FAR2: variants seen among roughly 807,000 people sequenced by gnomAD.
FAR2 encodes fatty acyl-CoA reductase 2.
In FAR2, 19 loss-of-function variants were observed where a neutral mutation model predicts 56.0. The observed-to-expected ratio is 0.34, with a 90% CI of 0.24 to 0.50. The LOEUF (loss-of-function observed/expected upper bound fraction) is 0.50, where lower values mean the gene tolerates loss of function less well. Ranked by LOEUF, FAR2 falls within the 20% of genes least tolerant of loss-of-function variation. The pLI is 0.98. For missense variants in FAR2, 508 were observed against 642.2 expected, an observed-to-expected ratio of 0.79 and a Z score of 2.26; for synonymous variants, 219 against 218.8, an observed-to-expected ratio of 1.00 and a Z score of -0.01.
chr12:29,317,641 T>TA (rs1288984347), intron 9 of FAR2: 3 of 152,636 alleles, frequency 2.0e-5, no homozygotes, highest in Admixed American at 6.5e-5. Flanking sequence ...ATTGAGACTC[T>TA]GTCACTAGGG....
rs554978581 is a variant in FAR2, at chr12:29,280,590, C to G, written c.189+9952C>G. On this transcript the variant is annotated intron_variant, in intron 2 of 11. Coordinates refer to ENST00000536681, the MANE Select transcript of FAR2 (RefSeq NM_001271783.2). ...GTGGGTGCTGAAGGAGATAAACCCC[C>G]CAAATCAGTAGCTTAATACAAATGA... 2.0e-5 allele frequency: 3 copies of G among 152,272 alleles called. No homozygotes were observed. The East Asian group carries it at 5.8e-4, about 29-fold the overall frequency. The allele number at this position is 152,272 out of a possible 1,614,324, so 9.4% of individuals were successfully genotyped here.
chr12:29,227,496 T>C (rs899462219), intron 1 of FAR2, among the ~76,000 whole-genome samples: 2 of 152,094 alleles, frequency 1.3e-5, no homozygotes, highest in African/African-American at 2.4e-5. Context: ...GAGGAAGAAG[T>C]AGGTCCTTTT....
chr12:29,229,256 T>C (rs73077598), intron 1 of FAR2, among the ~76,000 whole-genome samples: 11 of 152,154 alleles, frequency 7.2e-5, no homozygotes, highest in Non-Finnish European at 1.2e-4. Flanking sequence ...TCTTAATAGA[T>C]CCTTACGAAA....
intron 1 of FAR2, among the ~76,000 whole-genome samples, chr12:29,260,095 A>G (rs992104524): frequency 1.3e-4 from 20 of 152,200 alleles, no homozygotes; most frequent in African/African-American, 4.3e-4. Context: ...TAATTATTTT[A>G]TTGAGTTATA....
intron 1 of FAR2, among the ~76,000 whole-genome samples, chr12:29,255,871 T>C (rs1050368126): frequency 6.6e-6 from 1 of 152,154 alleles, no homozygotes; most frequent in African/African-American, 2.4e-5. Context: ...ATTTTTATTT[T>C]ATTTATTTCT....
chr12:29,282,919 T>C (rs1420451958), intron 2 of FAR2, among the ~76,000 whole-genome samples: 1 of 152,130 alleles, frequency 6.6e-6, no homozygotes, highest in Admixed American at 6.5e-5. Context: ...TTCTTAAGTA[T>C]TTTCAGAGCA....
intron 8 of FAR2, 48 bp from the exon 9 acceptor site, chr12:29,316,793 C>G: frequency 1.3e-6 from 2 of 1,584,160 alleles, no homozygotes; most frequent in Non-Finnish European, 1.7e-6. Context: ...CTATGATGGA[C>G]TTATATTCTC....
At chr12:29,308,676 A>G (rs1049570952) in intron 5 of FAR2, among the ~76,000 whole-genome samples, 12 of 72,490 alleles carry the variant, frequency 1.7e-4, no homozygotes, top group Non-Finnish European at 2.5e-4. Flanking sequence ...GTCAATATAC[A>G]CACAGACACA....
intron 3 of FAR2, among the ~76,000 whole-genome samples, chr12:29,294,818 G>T (rs1469341243): frequency 6.6e-6 from 1 of 151,770 alleles, no homozygotes. Context: ...AGAAAGAGGA[G>T]TACGGGCCAA....
chr12:29,163,818 G>C (rs1255847035), intron 1 of FAR2, among the ~76,000 whole-genome samples: 2 of 152,214 alleles, frequency 1.3e-5, no homozygotes, highest in South Asian at 2.1e-4. Flanking sequence ...GTGTGGTAGA[G>C]AGGCAGATAT....
chr12:29,224,368 G>T (rs1284737154), intron 1 of FAR2, among the ~76,000 whole-genome samples: 3 of 152,328 alleles, frequency 2.0e-5, no homozygotes, highest in East Asian at 3.9e-4. Context: ...CATATTTATA[G>T]TCTAAGGCTT....
intron 4 of FAR2, among the ~76,000 whole-genome samples, chr12:29,298,845 C>A (rs146790130): frequency 3.7e-4 from 57 of 152,258 alleles, no homozygotes; most frequent in Non-Finnish European, 6.0e-4. Context: ...ACTTTCTCCA[C>A]TGCTGATCTC....
intron 1 of FAR2, chr12:29,223,973 T>G (rs1235475195): frequency 6.6e-6 from 1 of 152,174 alleles, no homozygotes; most frequent in Non-Finnish European, 1.5e-5. Flanking sequence ...GAATGAATCT[T>G]AGGGTGAGAG....
At chr12:29,207,965 G>A (rs1947495810) in intron 1 of FAR2, among the ~76,000 whole-genome samples, 1 of 152,210 alleles carries the variant, frequency 6.6e-6, no homozygotes, top group Non-Finnish European at 1.5e-5. Context: ...ATTTTGGGAG[G>A]CCAGGACAGG....
chr12:29,277,560 T>C (rs1948721177), intron 2 of FAR2: 1 of 152,184 alleles, frequency 6.6e-6, no homozygotes, highest in Non-Finnish European at 1.5e-5. Context: ...AACACATGTA[T>C]ATTTAAGTAT....
chr12:29,244,273 A>G (rs1238658127), intron 1 of FAR2, among the ~76,000 whole-genome samples: 6 of 152,236 alleles, frequency 3.9e-5, no homozygotes. Context: ...AACACATTAA[A>G]TACAATTTTA....
At chr12:29,192,947 C>A (rs11830434) in intron 1 of FAR2, among the ~76,000 whole-genome samples, 2 of 151,972 alleles carry the variant, frequency 1.3e-5, no homozygotes, top group African/African-American at 4.8e-5. Context: ...TCATCCACAC[C>A]GTACATATTA....
chr12:29,277,235 C>T (rs1422050480), intron 2 of FAR2, among the ~76,000 whole-genome samples: 1 of 152,196 alleles, frequency 6.6e-6, no homozygotes, highest in Non-Finnish European at 1.5e-5. Flanking sequence ...CTCAGCCTCC[C>T]AAAGTGCTGG....
At chr12:29,165,394 G>T (rs1034824557) in intron 1 of FAR2, among the ~76,000 whole-genome samples, 6 of 152,150 alleles carry the variant, frequency 3.9e-5, no homozygotes, top group African/African-American at 1.4e-4. Flanking sequence ...AAAGTTTGTC[G>T]CATCAATCCC....
Sources: allele counts gnomAD v4.1 joint callset (sites outside exome capture counted in the v4.1 genomes callset), GRCh38; gene constraint gnomAD v4.1.1; transcripts MANE v1.5; gene names NCBI Gene and HGNC (gene_info 2026-07-23, HGNC 2026-07-21).